Variants in GOLPH3 observed in about 807,000 individuals in gnomAD.
GOLPH3 encodes golgi phosphoprotein 3, also known as coat protein GPP34.
Under a neutral mutation model 28.5 loss-of-function variants are expected in GOLPH3, and 14 were observed. The ratio of observed to expected loss-of-function variants is 0.49; its 90% confidence interval spans 0.32 to 0.77. The LOEUF (loss-of-function observed/expected upper bound fraction) is 0.77. Among genes scored for constraint, GOLPH3 ranks in the 30% least tolerant of loss-of-function variants. GOLPH3 has a pLI of 0.03. For synonymous variants in GOLPH3, 158 were observed against 159.2 expected, an observed-to-expected ratio of 0.99 and a Z score of 0.06; for missense variants, 350 against 393.7, an observed-to-expected ratio of 0.89 and a Z score of 0.94.
intron 1 of GOLPH3, among the ~76,000 whole-genome samples, chr5:32,168,804 T>C (rs998159983): frequency 1.3e-5 from 2 of 152,140 alleles, no homozygotes; most frequent in Non-Finnish European, 2.9e-5. Flanking sequence ...GGGAATAATA[T>C]GCTTCAAGAG....
intron 3 of GOLPH3, among the ~76,000 whole-genome samples, chr5:32,131,880 T>C (rs1262006848): frequency 6.6e-6 from 1 of 152,252 alleles, no homozygotes; most frequent in Non-Finnish European, 1.5e-5. Context: ...TTTGGCAGTG[T>C]AGTGATTCCT....
At position 32,126,410 on chromosome 5, in the gene GOLPH3, G is replaced by A. The variant is rs779017238; in HGVS notation, c.699C>T (p.Asp233=). Reference sequence around the variant, plus strand: ...GGTAAATGAGGGCCAGCAAGCGCCTGTCCATGCGGTGAGGGTCATTCACCC... The same window carrying A: ...GGTAAATGAGGGCCAGCAAGCGCCTATCCATGCGGTGAGGGTCATTCACCC... ...DKWVNDPHRM[D]RRLLALIYLA... is the part of the protein sequence containing the mutation. The change falls in exon 4 of 4, where the codon GAC becomes GAT. Residue 233 remains aspartate (D), a synonymous_variant. Transcript: ENST00000265070. 3.7e-6 allele frequency: 6 copies of A among 1,614,074 alleles called. No individual in the cohort carries two copies. The Admixed American group carries it at 6.7e-5, about 18-fold the overall frequency.
rs142826199 is a variant in GOLPH3, at chr5:32,158,982, A to G, written c.225+14828T>C. Among the ~76,000 whole-genome samples, 8 of 152,330 alleles carry G rather than the reference A, an allele frequency of 5.3e-5. No homozygotes were observed. In the East Asian group the frequency reaches 1.5e-3, roughly 29 times the overall value. ...TAGGAAACCTTGTAAAGTAGGTGCTATTCTTCCAATTTCACAAGATAATGG... is the reference window on the plus strand; with the variant it reads ...TAGGAAACCTTGTAAAGTAGGTGCTGTTCTTCCAATTTCACAAGATAATGG... On this transcript the variant is annotated intron_variant, in intron 1 of 3. Transcript: ENST00000265070.
intron 1 of GOLPH3, among the ~76,000 whole-genome samples, chr5:32,163,438 G>T (rs1746638034): frequency 6.6e-6 from 1 of 152,170 alleles, no homozygotes; most frequent in Admixed American, 6.5e-5. Context: ...AGCACTTTGG[G>T]AGGCCAGGAG....
Position 32,126,417 on chromosome 5 carries a change from C to T in GOLPH3, c.692G>A (p.Arg231His), listed in dbSNP as rs1308493669. 6 of 1,614,180 alleles carry T rather than the reference C, an allele frequency of 3.7e-6. No individual in the cohort carries two copies. The highest frequency in any genetic ancestry group is 5.1e-6 in the Non-Finnish European group (6 of 1,180,040). The change falls in exon 4 of 4, where the codon CGC becomes CAC. Residue 231 changes from arginine (R) to histidine (H), a missense_variant. Arg to His is a conservative substitution (Grantham distance 29, BLOSUM62 0). Transcript: ENST00000265070. The stretch of plus-strand genomic sequence containing the variant: ...GAGGGCCAGCAAGCGCCTGTCCATG[C>T]GGTGAGGGTCATTCACCCATTTGTC... ...VLDKWVNDPH[R>H]MDRRLLALIY... is the part of the protein sequence containing the mutation.
At chr5:32,170,709 C>T (rs898888731) in intron 1 of GOLPH3, among the ~76,000 whole-genome samples, 2 of 151,804 alleles carry the variant, frequency 1.3e-5, no homozygotes, top group African/African-American at 4.8e-5. Context: ...CTACTCAGGG[C>T]GGATCACTTG....
At chr5:32,157,891 C>T (rs1396931960) in intron 1 of GOLPH3, among the ~76,000 whole-genome samples, 8 of 151,718 alleles carry the variant, frequency 5.3e-5, no homozygotes, top group African/African-American at 1.7e-4. Context: ...GCAGAAGAAT[C>T]GCTTGAACCC....
chr5:32,161,853 C>A (rs1746587428), intron 1 of GOLPH3, among the ~76,000 whole-genome samples: 1 of 150,424 alleles, frequency 6.6e-6, no homozygotes, highest in East Asian at 2.0e-4. Flanking sequence ...CGGTGAGACC[C>A]CGCCTCTACT....
At chr5:32,138,594 A>AT (rs1250998581) in intron 2 of GOLPH3, among the ~76,000 whole-genome samples, 1 of 152,228 alleles carries the variant, frequency 6.6e-6, no homozygotes, top group Non-Finnish European at 1.5e-5. Flanking sequence ...TAATTTTAAT[A>AT]TTTTGATTTA....
At chr5:32,155,577 T>A (rs893447237) in intron 1 of GOLPH3, among the ~76,000 whole-genome samples, 1 of 152,150 alleles carries the variant, frequency 6.6e-6, no homozygotes, top group Non-Finnish European at 1.5e-5. Flanking sequence ...TTCAAATGAC[T>A]AAAGAAAGCC....
intron 1 of GOLPH3, among the ~76,000 whole-genome samples, chr5:32,169,247 A>G (rs2111899923): frequency 6.6e-6 from 1 of 152,256 alleles, no homozygotes; most frequent in East Asian, 1.9e-4. Flanking sequence ...GCACCACTGC[A>G]CTCCAGCCTG....
At position 32,125,283 on chromosome 5, in the gene GOLPH3, T is replaced by C. The variant is rs991795730; in HGVS notation, c.*929A>G. On this transcript the variant is annotated 3_prime_UTR_variant, in exon 4 of 4. Transcript: ENST00000265070. ...GTCACAAGCCTCTTCCCAATAGAAA[T>C]TATAAAAACAGTAAGATAAAATTTA... The C allele has an allele frequency of 6.6e-6, 1 of 152,468 alleles. No individual in the cohort carries two copies. The highest frequency in any genetic ancestry group is 2.4e-5 in the African/African-American group (1 of 41,374). 9.4% of individuals were successfully genotyped at this position (152,468 alleles called of 1,614,324 possible). A position where few individuals can be genotyped will look rare whatever the true frequency, so the allele number is the denominator to read the frequency against.
chr5:32,167,676 C>T (rs1746746614), intron 1 of GOLPH3, among the ~76,000 whole-genome samples: 1 of 146,858 alleles, frequency 6.8e-6, no homozygotes, highest in Non-Finnish European at 1.5e-5. Context: ...GCAGACCAGG[C>T]GTGGTGGCTC....
At chr5:32,158,461 T>G (rs1242057752) in intron 1 of GOLPH3, among the ~76,000 whole-genome samples, 1 of 152,178 alleles carries the variant, frequency 6.6e-6, no homozygotes, top group East Asian at 1.9e-4. Flanking sequence ...ACCTGCCTAT[T>G]GGCCTTCAAA....
At position 32,150,824 on chromosome 5, in the gene GOLPH3, T is replaced by C. The variant is rs980343140; in HGVS notation, c.226-6944A>G. On this transcript the variant is annotated intron_variant, in intron 1 of 3. Transcript: ENST00000265070. Reference sequence around the variant, plus strand: ...CATTTACAATTTCAGATTTTCGAAATTGGGATTCTCAATCTGTACACGATA... The same window carrying C: ...CATTTACAATTTCAGATTTTCGAAACTGGGATTCTCAATCTGTACACGATA... Among the ~76,000 whole-genome samples, 6 of 152,300 alleles carry C rather than the reference T, an allele frequency of 3.9e-5. No individual in the cohort carries two copies. The South Asian group carries it at 6.2e-4, about 16-fold the overall frequency.
intron 1 of GOLPH3, among the ~76,000 whole-genome samples, chr5:32,158,025 C>CACAA (rs1746477554): frequency 1.7e-5 from 1 of 59,286 alleles, no homozygotes; most frequent in African/African-American, 7.3e-5. Flanking sequence ...AAATAAAATA[C>CACAA]ACACACACAC....
At chr5:32,158,021 A>AACACAC (rs745626753) in intron 1 of GOLPH3, among the ~76,000 whole-genome samples, 2 of 16,446 alleles carry the variant, frequency 1.2e-4, no homozygotes, top group Non-Finnish European at 2.5e-4. Flanking sequence ...AAATAAATAA[A>AACACAC]ATACACACAC....
intron 3 of GOLPH3, 24 bp from the exon 4 acceptor site, chr5:32,126,660 A>T: frequency 6.3e-7 from 1 of 1,587,782 alleles, no homozygotes; most frequent in Non-Finnish European, 8.6e-7. Context: ...TTCAGAAGTT[A>T]GAAATGATGA....
intron 1 of GOLPH3, among the ~76,000 whole-genome samples, chr5:32,144,791 G>A (rs1389019920): frequency 6.6e-6 from 1 of 152,130 alleles, no homozygotes; most frequent in Non-Finnish European, 1.5e-5. Flanking sequence ...TAGAGATCTG[G>A]GATACTGGTC....
Sources: allele counts gnomAD v4.1 joint callset (sites outside exome capture counted in the v4.1 genomes callset), GRCh38; gene constraint gnomAD v4.1.1; transcripts MANE v1.5; gene names NCBI Gene and HGNC (gene_info 2026-07-23, HGNC 2026-07-21).